DLGAP1: variants seen among roughly 807,000 people sequenced by gnomAD.
DLGAP1 encodes the protein DLG associated protein 1, also known as disks large-associated protein 1.
In DLGAP1, 11 loss-of-function variants were observed where a neutral mutation model predicts 90.8. That is an observed-to-expected ratio of 0.12 (90% CI 0.08 to 0.20). The LOEUF is 0.20. Among genes scored for constraint, DLGAP1 ranks in the 10% least tolerant of loss-of-function variants. The pLI, the probability that DLGAP1 is intolerant of heterozygous loss-of-function variation, is 1.00. For synonymous variants in DLGAP1, 558 were observed against 540.7 expected (o/e 1.03, Z -0.44); for missense variants, 1,050 against 1,333.8 (o/e 0.79, Z 3.31).
chr18:4,007,090 C>T (rs1034576395), intron 2 of DLGAP1, among the ~76,000 whole-genome samples: 3 of 152,170 alleles, frequency 2.0e-5, no homozygotes, highest in African/African-American at 7.2e-5. Flanking sequence ...CTGGCCCATG[C>T]TAAGCACTCA....
chr18:4,042,519 C>T lies in DLGAP1; in HGVS notation c.-158-37318G>A, dbSNP rs980923032. 2.0e-5 allele frequency among the ~76,000 whole-genome samples: 3 copies of T among 152,176 alleles called. No individual in the cohort carries two copies. In the East Asian group the frequency reaches 5.8e-4, roughly 29 times the overall value. On this transcript the variant is annotated intron_variant, in intron 2 of 12. Transcript: ENST00000315677. ...TTGGGAGGCCAAGGTCTGCCGATCA[C>T]CTGATGTCAGGAGTTCGAGACAAGC... is the stretch of plus-strand genomic sequence containing the variant.
At chr18:4,219,032 T>TG (rs1191702915) in intron 1 of DLGAP1, among the ~76,000 whole-genome samples, 1 of 136,170 alleles carries the variant, frequency 7.3e-6, no homozygotes, top group Non-Finnish European at 1.6e-5. Flanking sequence ...TCTTTGTTTT[T>TG]TTTTTTTTTT....
rs568790561 is a variant in DLGAP1 at position 3,514,899 on chromosome 18, A to T, written c.2480-6238T>A. Among the ~76,000 whole-genome samples the T allele has an allele frequency of 1.6e-4, 24 of 151,064 alleles. No homozygotes were observed. In the East Asian group the frequency reaches 3.5e-3, roughly 22 times the overall value. On this transcript the variant is annotated intron_variant, in intron 10 of 12. Transcript: ENST00000315677. ...GTGGCAATGTCTCTTTTTAAAATAAATTTTTTTTTCACTTTGTATTTTTTG... is the reference window on the plus strand; with the variant it reads ...GTGGCAATGTCTCTTTTTAAAATAATTTTTTTTTTCACTTTGTATTTTTTG...
At chr18:3,845,765 T>C (rs576186317) in intron 4 of DLGAP1, among the ~76,000 whole-genome samples, 1 of 152,210 alleles carries the variant, frequency 6.6e-6, no homozygotes, top group Non-Finnish European at 1.5e-5. Flanking sequence ...GAAAGACAGA[T>C]GCCTTTTACA....
At chr18:3,930,656 T>C (rs1244010985) in intron 3 of DLGAP1, among the ~76,000 whole-genome samples, 3 of 152,172 alleles carry the variant, frequency 2.0e-5, no homozygotes, top group Admixed American at 6.5e-5. Flanking sequence ...GGCATTGCTC[T>C]GTGCCTGCTC....
chr18:3,579,666 C>T (rs11873985), intron 8 of DLGAP1, among the ~76,000 whole-genome samples: 11,480 of 152,226 alleles, frequency 0.075, 611 homozygotes, highest in African/African-American at 0.15. Flanking sequence ...TAGAAGAACA[C>T]TTTTAGCAGG....
chr18:4,429,462 C>A (rs761827733), intron 1 of DLGAP1, among the ~76,000 whole-genome samples: 23 of 152,130 alleles, frequency 1.5e-4, no homozygotes, highest in Non-Finnish European at 2.6e-4. Flanking sequence ...GTTCTTATAA[C>A]ATTGTACATG....
chr18:3,570,443 T>A (rs1249215736), intron 8 of DLGAP1, among the ~76,000 whole-genome samples: 2 of 151,842 alleles, frequency 1.3e-5, no homozygotes, highest in African/African-American at 4.8e-5. Flanking sequence ...CATGCCTGGC[T>A]AATTTTTGTA....
At chr18:4,401,237 G>C (rs2082547936) in intron 1 of DLGAP1, among the ~76,000 whole-genome samples, 1 of 152,100 alleles carries the variant, frequency 6.6e-6, no homozygotes, top group African/African-American at 2.4e-5. Context: ...TGTCAAAACG[G>C]GTTCTACAAT....
chr18:4,172,608 C>G (rs573117371), intron 1 of DLGAP1, among the ~76,000 whole-genome samples: 16 of 152,228 alleles, frequency 1.1e-4, no homozygotes, highest in Non-Finnish European at 1.9e-4. Context: ...TAGAATGATT[C>G]AACATAGAAA....
intron 1 of DLGAP1, among the ~76,000 whole-genome samples, chr18:4,205,301 T>C (rs1368347711): frequency 6.6e-6 from 1 of 152,072 alleles, no homozygotes; most frequent in Non-Finnish European, 1.5e-5. Context: ...TTAGGAGATC[T>C]GAAGGGGTGC....
At chr18:4,267,181 T>A (rs1179401395) in intron 1 of DLGAP1, among the ~76,000 whole-genome samples, 1 of 145,392 alleles carries the variant, frequency 6.9e-6, no homozygotes, top group Non-Finnish European at 1.5e-5. Context: ...ATCACTGTAA[T>A]GAGTGTGTGT....
intron 5 of DLGAP1, among the ~76,000 whole-genome samples, chr18:3,787,766 T>C (rs2065528124): frequency 6.6e-6 from 1 of 152,080 alleles, no homozygotes; most frequent in Non-Finnish European, 1.5e-5. Context: ...CCCCAAAATA[T>C]GGCACTTTGA....
rs11662478 is a variant in DLGAP1, at chr18:4,084,525, A to G, written c.-159+66655T>C. Among the ~76,000 whole-genome samples the G allele has an allele frequency of 0.66, 100,284 of 151,874 alleles. 34,214 individuals carry two copies. The highest frequency in any genetic ancestry group is 0.78 in the African/African-American group (32,488 of 41,416). ...TTTCTCTCCTATGACCCTCGTGTGA[A>G]AGGTGTCCACCCTATACCCACAGGA... On this transcript the variant is annotated intron_variant, in intron 2 of 12. Coordinates refer to ENST00000315677, the MANE Select transcript of DLGAP1 (RefSeq NM_004746.4). The surrounding 1 kb of genome is among the most constrained non-coding windows in gnomAD (Gnocchi z 4.0).
At chr18:4,391,408 T>C (rs1468231956) in intron 1 of DLGAP1, among the ~76,000 whole-genome samples, 2 of 152,216 alleles carry the variant, frequency 1.3e-5, no homozygotes, top group African/African-American at 4.8e-5. Context: ...AATTTCTTGC[T>C]TAAGAAATAG....
chr18:3,870,612 CT>C (rs201888857), intron 4 of DLGAP1, among the ~76,000 whole-genome samples: 102 of 109,620 alleles, frequency 9.3e-4, no homozygotes, highest in African/African-American at 2.7e-3. Context: ...ATACATCTAT[CT>C]ATCTATCTAT....
intron 2 of DLGAP1, among the ~76,000 whole-genome samples, chr18:4,126,017 T>G (rs1361119622): frequency 3.9e-5 from 6 of 152,124 alleles, no homozygotes; most frequent in African/African-American, 7.2e-5. Context: ...AGTTCAGGCT[T>G]CCCCTTTACT....
chr18:4,434,924 C>T (rs1031771263), intron 1 of DLGAP1, among the ~76,000 whole-genome samples: 1 of 152,130 alleles, frequency 6.6e-6, no homozygotes, highest in Admixed American at 6.5e-5. Flanking sequence ...CATAAAACCT[C>T]ATGATGTAGA....
intron 3 of DLGAP1, among the ~76,000 whole-genome samples, chr18:3,890,711 A>G (rs1463341704): frequency 6.6e-6 from 1 of 152,224 alleles, no homozygotes; most frequent in Non-Finnish European, 1.5e-5. Flanking sequence ...TTTCTGGATT[A>G]AAGTATTTTT....
Sources: allele counts gnomAD v4.1 joint callset (sites outside exome capture counted in the v4.1 genomes callset), GRCh38; gene constraint gnomAD v4.1.1; non-coding constraint Gnocchi (gnomAD v3.1); transcripts MANE v1.5; gene names NCBI Gene and HGNC (gene_info 2026-07-23, HGNC 2026-07-21).